The following PTER variants were observed in gnomAD, a reference collection of about 807,000 sequenced individuals.
PTER encodes the protein phosphotriesterase related.
PTER carries 38 observed loss-of-function variants against 29.6 expected under a neutral mutation model. The ratio of observed to expected loss-of-function variants is 1.28; its 90% CI spans 0.99 to 1.68. The LOEUF (loss-of-function observed/expected upper bound fraction) is 1.68. Ranked by LOEUF, PTER falls within the 40% of genes most tolerant of loss-of-function variation. PTER has a pLI of 0.00. For synonymous variants in PTER, 172 were observed against 154.5 expected (o/e 1.11, Z -0.84); for missense variants, 482 against 427.8 (o/e 1.13, Z -1.12).
chr10:16,482,636 G>A (rs1353962177), intron 1 of PTER, among the ~76,000 whole-genome samples: 3 of 152,306 alleles, frequency 2.0e-5, no homozygotes, highest in East Asian at 1.9e-4. Context: ...AACAGTTTGA[G>A]AGCTTGGAAA....
In PTER at chr10:16,513,432, A is replaced by C. The variant is rs1055337; in HGVS notation, c.*2176A>C. ...TTTATATGTATATGTTTTATACATA[A>C]ATAAAACATTTCATCTAATATATAT... On this transcript the variant is annotated 3_prime_UTR_variant, in exon 5 of 5. Transcript: ENST00000535784. 6.6e-6 allele frequency: 1 copy of C among 152,220 alleles called. No individual in the cohort carries two copies. Among genetic ancestry groups the C allele is most frequent in the African/African-American group, 2.4e-5 (1 of 41,336 alleles). 9.4% of individuals were successfully genotyped at this position (152,220 alleles called of 1,614,324 possible). A position where few individuals can be genotyped will look rare whatever the true frequency, so the allele number is the denominator to read the frequency against.
intron 1 of PTER, among the ~76,000 whole-genome samples, chr10:16,440,496 CAAT>C (rs1833810321): frequency 6.6e-6 from 1 of 152,202 alleles, no homozygotes; most frequent in African/African-American, 2.4e-5. Flanking sequence ...TTTGTCAAAA[CAAT>C]AACCACCTGA....
At chr10:16,491,298 G>A (rs572158548) in intron 3 of PTER, among the ~76,000 whole-genome samples, 6 of 152,202 alleles carry the variant, frequency 3.9e-5, no homozygotes, top group South Asian at 2.1e-4. Context: ...CAGTGCATTC[G>A]GAAAAACATA....
chr10:16,483,417 T>C (rs1835555946), intron 1 of PTER, among the ~76,000 whole-genome samples: 1 of 152,200 alleles, frequency 6.6e-6, no homozygotes, highest in Non-Finnish European at 1.5e-5. Flanking sequence ...GCTCCTCAGT[T>C]GTTTTGGGGA....
chr10:16,496,703 G>C (rs1338005162), intron 3 of PTER, among the ~76,000 whole-genome samples: 1 of 152,128 alleles, frequency 6.6e-6, no homozygotes, highest in Non-Finnish European at 1.5e-5. Context: ...TTCCACAGTA[G>C]ATACTGAAAT....
chr10:16,447,706 A>G (rs1020764877), intron 1 of PTER, among the ~76,000 whole-genome samples: 3 of 152,196 alleles, frequency 2.0e-5, no homozygotes, highest in African/African-American at 7.2e-5. Flanking sequence ...TATTCTTTAC[A>G]CCATACATCG....
downstream of PTER, among the ~76,000 whole-genome samples, chr10:16,514,933 T>C (rs1226449037): frequency 2.0e-5 from 3 of 152,160 alleles, no homozygotes. Flanking sequence ...GTGGGGACCA[T>C]TCTGGCAGTC....
At chr10:16,478,335 G>GTTTTTTTTTTTT (rs34168657) in intron 1 of PTER, among the ~76,000 whole-genome samples, 1 of 140,250 alleles carries the variant, frequency 7.1e-6, no homozygotes. Context: ...CCTCGTTTCC[G>GTTTTTTTTTTTT]TTTTTTTTTT....
chr10:16,482,541 T>G (rs1350446220), intron 1 of PTER, among the ~76,000 whole-genome samples: 1 of 152,226 alleles, frequency 6.6e-6, no homozygotes, highest in Non-Finnish European at 1.5e-5. Context: ...TTCGTTATTT[T>G]AATTTACAGA....
At chr10:16,445,039 G>A (rs1833968997) in intron 1 of PTER, among the ~76,000 whole-genome samples, 1 of 152,098 alleles carries the variant, frequency 6.6e-6, no homozygotes, top group Non-Finnish European at 1.5e-5. Flanking sequence ...TCACTACACT[G>A]CACTCTCTAC....
chr10:16,480,722 G>A (rs983314266), intron 1 of PTER, among the ~76,000 whole-genome samples: 3 of 152,142 alleles, frequency 2.0e-5, no homozygotes, highest in Non-Finnish European at 4.4e-5. Context: ...TACATAGACG[G>A]AATCATCTTA....
chr10:16,484,833 C>CT lies in PTER; in HGVS notation c.432+20dup. 1 of 1,568,676 alleles carries CT rather than the reference C, an allele frequency of 6.4e-7. No individual in the cohort carries two copies. Among genetic ancestry groups the CT allele is most frequent in the Non-Finnish European group, 8.6e-7 (1 of 1,162,078 alleles). ...GTGGAGCAGGTAAAAAGCCTAAGTT[C>CT]TTTGACAGTATTTGTTCATAAATTC... is the stretch of plus-strand genomic sequence containing the variant. On this transcript the variant is annotated intron_variant, in intron 2 of 4. Transcript: ENST00000535784.
At chr10:16,449,445 T>C (rs1459469383) in intron 1 of PTER, among the ~76,000 whole-genome samples, 3 of 148,590 alleles carry the variant, frequency 2.0e-5, no homozygotes, top group Non-Finnish European at 4.5e-5. Context: ...TTTTTTTTTT[T>C]TTTTGAGACG....
At chr10:16,439,067 A>G (rs1833759726) in intron 1 of PTER, among the ~76,000 whole-genome samples, 3 of 152,120 alleles carry the variant, frequency 2.0e-5, no homozygotes, top group African/African-American at 7.2e-5. Context: ...CCCTCAAACC[A>G]GAATAGATTG....
chr10:16,448,796 G>A (rs1834103838), intron 1 of PTER, among the ~76,000 whole-genome samples: 1 of 152,232 alleles, frequency 6.6e-6, no homozygotes, highest in Non-Finnish European at 1.5e-5. Context: ...CTTAAGGTAG[G>A]ACAGTAAAGG....
Position 16,511,213 on chromosome 10 carries a change from A to C in PTER, c.1007A>C (p.Lys336Thr). Residue 336 changes from lysine to threonine, a missense_variant, in exon 5 of 5, where the codon AAG (lysine) becomes ACG (threonine). Lys to Thr is a moderately conservative substitution (Grantham distance 78). Transcript: ENST00000535784. ...LRGITENVLD[K>T]ILIENPKQWL... ...GGCATAACTGAGAATGTGCTTGATA[A>C]GATTCTAATAGAGAACCCTAAGCAA... 6.2e-7 allele frequency: 1 copy of C among 1,614,166 alleles called. No homozygotes were observed. Among genetic ancestry groups the C allele is most frequent in the Non-Finnish European group, 8.5e-7 (1 of 1,179,992 alleles).
chr10:16,489,466 T>C (rs969886343), intron 3 of PTER, among the ~76,000 whole-genome samples: 4 of 152,166 alleles, frequency 2.6e-5, no homozygotes, highest in African/African-American at 4.8e-5. Context: ...TATTTCCTTA[T>C]GTTTTAGAGT....
Position 16,509,694 on chromosome 10 carries a change from C to T in PTER, c.840-1352C>T, listed in dbSNP as rs78485642. 5.1e-3 allele frequency among the ~76,000 whole-genome samples: 776 copies of T among 152,230 alleles called. 6 individuals are homozygous for T. The highest frequency in any genetic ancestry group is 0.018 in the African/African-American group (738 of 41,530). ...ACTTATCTTAGATAATTCCCCTAAACTGAGTGTGTTCCAAAAGTAACTGCA... is the reference window on the plus strand; with the variant it reads ...ACTTATCTTAGATAATTCCCCTAAATTGAGTGTGTTCCAAAAGTAACTGCA... On this transcript the variant is annotated intron_variant, in intron 4 of 4. Coordinates refer to ENST00000535784, the MANE Select transcript of PTER (RefSeq NM_001261836.2).
At chr10:16,459,999 C>T (rs1203652015) in intron 1 of PTER, among the ~76,000 whole-genome samples, 4 of 152,188 alleles carry the variant, frequency 2.6e-5, no homozygotes, top group Non-Finnish European at 5.9e-5. Context: ...CTGCCCGCCT[C>T]GGCCTCCCAC....
Sources: gnomAD v4.1 joint callset for allele counts (sites outside exome capture counted in the v4.1 genomes callset) on GRCh38, gnomAD v4.1.1 for gene constraint, MANE v1.5 for transcripts, NCBI Gene and HGNC (gene_info 2026-07-23, HGNC 2026-07-21) for gene names.